Variants in SEMA4D observed in about 807,000 individuals in gnomAD.
The protein encoded by SEMA4D is semaphorin-4D.
A neutral mutation model predicts 74.8 loss-of-function variants in SEMA4D; 22 were observed. The ratio of observed to expected loss-of-function variants is 0.29; its 90% confidence interval spans 0.21 to 0.42. The LOEUF is 0.42. Ranked by LOEUF, SEMA4D falls within the 10% of genes least tolerant of loss-of-function variation. The pLI, the probability that SEMA4D is intolerant of heterozygous loss-of-function variation, is 1.00. For synonymous variants in SEMA4D, 445 were observed against 463.7 expected (o/e 0.96, Z 0.52); for missense variants, 937 against 1,118.4 (o/e 0.84, Z 2.31).
chr9:89,361,438 A>G (rs577554029), exon 19 of SEMA4D: 110 of 152,356 alleles, frequency 7.2e-4, no homozygotes, highest in African/African-American at 2.4e-3. Context: ...TATGATAGAC[A>G]TGAAAACTGT....
chr9:89,407,752 G>A (rs548401438), intron 2 of SEMA4D, among the ~76,000 whole-genome samples: 1 of 152,264 alleles, frequency 6.6e-6, no homozygotes, highest in African/African-American at 2.4e-5. Context: ...TCCCTCCACT[G>A]CACTGTCCTG....
intron 9 of SEMA4D, among the ~76,000 whole-genome samples, chr9:89,390,982 T>G (rs1481273071): frequency 2.0e-5 from 3 of 152,220 alleles, no homozygotes; most frequent in African/African-American, 4.8e-5. Context: ...GGTGAATACA[T>G]TCCACAAAGC....
intron 16 of SEMA4D, chr9:89,367,123 G>A (rs182915296): frequency 2.6e-5 from 4 of 152,660 alleles, no homozygotes; most frequent in East Asian, 1.9e-4. Flanking sequence ...AAGTACTTAC[G>A]TTCCATGTAT....
intron 3 of SEMA4D, 76 bp downstream of exon 3, chr9:89,405,275 G>T (rs1843106298): frequency 7.5e-7 from 1 of 1,338,176 alleles, no homozygotes; most frequent in Non-Finnish European, 1.1e-6. Context: ...CCCGTCCCCA[G>T]CCACCCACCT....
intron 6 of SEMA4D, among the ~76,000 whole-genome samples, chr9:89,396,104 G>A (rs1042056038): frequency 1.3e-5 from 2 of 152,134 alleles, no homozygotes; most frequent in African/African-American, 2.4e-5. Flanking sequence ...GATGTGAGCC[G>A]GTGAGGGACA....
chr9:89,489,681 G>A (rs538094822), intron 1 of SEMA4D, among the ~76,000 whole-genome samples: 4 of 152,180 alleles, frequency 2.6e-5, no homozygotes, highest in African/African-American at 7.2e-5. Flanking sequence ...ATGTATCAGC[G>A]CTTCACTCCT....
chr9:89,372,211 TG>T (rs1190327022), intron 16 of SEMA4D, among the ~76,000 whole-genome samples: 2 of 39,370 alleles, frequency 5.1e-5, no homozygotes, highest in African/African-American at 2.2e-4. Context: ...GGTGTGTGTC[TG>T]GGGGGTGTGG....
At chr9:89,495,675 C>T (rs1046316232) in intron 1 of SEMA4D, among the ~76,000 whole-genome samples, 2 of 152,144 alleles carry the variant, frequency 1.3e-5, no homozygotes, top group African/African-American at 2.4e-5. Flanking sequence ...GACAATCAGC[C>T]GACGGCACGT....
At chr9:89,424,822 CCT>C (rs1847771508) in intron 2 of SEMA4D, among the ~76,000 whole-genome samples, 2 of 152,046 alleles carry the variant, frequency 1.3e-5, no homozygotes, top group Admixed American at 1.3e-4. Context: ...TCTTACGGCC[CCT>C]GTGCCCCCGG....
intron 1 of SEMA4D, among the ~76,000 whole-genome samples, chr9:89,465,502 T>C (rs529457803): frequency 2.2e-4 from 34 of 152,260 alleles, no homozygotes; most frequent in Non-Finnish European, 4.4e-5. Flanking sequence ...GATTGATAAT[T>C]AGGGGGCTTC....
At chr9:89,494,501 T>C (rs942314535) in intron 1 of SEMA4D, among the ~76,000 whole-genome samples, 1 of 152,212 alleles carries the variant, frequency 6.6e-6, no homozygotes, top group Non-Finnish European at 1.5e-5. Flanking sequence ...CACTTGTGCA[T>C]GGAGAGGGCA....
At chr9:89,400,358 C>T (rs926137656) in intron 4 of SEMA4D, among the ~76,000 whole-genome samples, 1 of 152,240 alleles carries the variant, frequency 6.6e-6, no homozygotes, top group Non-Finnish European at 1.5e-5. Context: ...CAAAATGCCC[C>T]CTCTCTCTGT....
intron 2 of SEMA4D, among the ~76,000 whole-genome samples, chr9:89,422,378 G>C (rs1263761446): frequency 6.6e-6 from 1 of 152,230 alleles, no homozygotes; most frequent in African/African-American, 2.4e-5. Context: ...GGGAGGGCAG[G>C]CCACAGCAAC....
intron 1 of SEMA4D, among the ~76,000 whole-genome samples, chr9:89,487,610 A>G (rs1275586724): frequency 6.6e-6 from 1 of 152,210 alleles, no homozygotes; most frequent in African/African-American, 2.4e-5. Flanking sequence ...CATCAGAATT[A>G]TCTATATGAA....
At chr9:89,386,077 C>T in intron 13 of SEMA4D, 1 of 985,382 alleles carries the variant, frequency 1.0e-6, no homozygotes, top group South Asian at 4.7e-5. Context: ...CTTCATGGAG[C>T]AGTGCCCACC....
intron 2 of SEMA4D, among the ~76,000 whole-genome samples, chr9:89,419,073 G>A (rs945214578): frequency 7.0e-6 from 1 of 143,740 alleles, no homozygotes; most frequent in African/African-American, 2.5e-5. Flanking sequence ...CCTTAGACAC[G>A]GCCATCCAGG....
At chr9:89,409,996 T>G (rs1310549914) in intron 2 of SEMA4D, among the ~76,000 whole-genome samples, 1 of 143,886 alleles carries the variant, frequency 6.9e-6, no homozygotes, top group Admixed American at 7.7e-5. Flanking sequence ...GAGGTGACTT[T>G]GGAATCTATT....
intron 1 of SEMA4D, among the ~76,000 whole-genome samples, chr9:89,489,956 A>G (rs1368195727): frequency 6.6e-6 from 1 of 151,694 alleles, no homozygotes; most frequent in Non-Finnish European, 1.5e-5. Context: ...ACCATTTTAC[A>G]TTTCTATCCG....
intron 1 of SEMA4D, among the ~76,000 whole-genome samples, chr9:89,488,791 CA>C (rs1406909052): frequency 1.3e-5 from 2 of 152,134 alleles, no homozygotes; most frequent in African/African-American, 2.4e-5. Context: ...ACAAAAAGCA[CA>C]AACCATTAAA....
Sources: allele counts gnomAD v4.1 joint callset (sites outside exome capture counted in the v4.1 genomes callset), GRCh38; gene constraint gnomAD v4.1.1; transcripts MANE v1.5; gene names NCBI Gene and HGNC (gene_info 2026-07-23, HGNC 2026-07-21).